The following NPAS3 variants were observed in gnomAD, a reference collection of about 807,000 sequenced individuals.
The protein encoded by NPAS3 is neuronal PAS domain-containing protein 3.
Under a neutral mutation model 73.1 loss-of-function variants are expected in NPAS3, and 14 were observed. That is an observed-to-expected ratio of 0.19 (90% CI 0.13 to 0.30). The LOEUF (loss-of-function observed/expected upper bound fraction) is 0.30, where lower values mean the gene tolerates loss of function less well. Among genes scored for constraint, NPAS3 ranks in the 10% least tolerant of loss-of-function variants. The pLI is 1.00. For missense variants in NPAS3, 1,096 were observed against 1,250.0 expected (o/e 0.88, Z 1.86); for synonymous variants, 620 against 541.5 (o/e 1.14, Z -2.01).
intron 2 of NPAS3, among the ~76,000 whole-genome samples, chr14:33,110,621 TA>T (rs1435757710): frequency 6.6e-6 from 1 of 152,314 alleles, no homozygotes; most frequent in African/African-American, 2.4e-5. Flanking sequence ...AGTTTGAATT[TA>T]CTTTGCATCA....
At chr14:33,777,759 G>A (rs1257364283) in intron 8 of NPAS3, among the ~76,000 whole-genome samples, 3 of 152,148 alleles carry the variant, frequency 2.0e-5, no homozygotes, top group Non-Finnish European at 2.9e-5. Flanking sequence ...TGAGGACATC[G>A]ACGTCTGGAC....
intron 4 of NPAS3, among the ~76,000 whole-genome samples, chr14:33,547,170 G>T (rs2054885226): frequency 6.6e-6 from 1 of 152,194 alleles, no homozygotes; most frequent in South Asian, 2.1e-4. Flanking sequence ...TCAAAGGCCA[G>T]TTTGAGTCTT....
chr14:33,096,468 A>G (rs1414635350), intron 2 of NPAS3, among the ~76,000 whole-genome samples: 1 of 152,202 alleles, frequency 6.6e-6, no homozygotes, highest in Non-Finnish European at 1.5e-5. Context: ...TTTTTTGGAC[A>G]CTAAAGAGAG....
chr14:33,039,463 G>C (rs916798376), intron 1 of NPAS3, among the ~76,000 whole-genome samples: 3 of 152,150 alleles, frequency 2.0e-5, no homozygotes, highest in African/African-American at 7.2e-5. Flanking sequence ...TCTTGGACTG[G>C]AATGAAATGT....
At chr14:33,215,449 G>A in intron 3 of NPAS3, 23 bp downstream of exon 3, 3 of 1,613,280 alleles carry the variant, frequency 1.9e-6, no homozygotes, top group Non-Finnish European at 2.5e-6. Context: ...TCACTGTTCA[G>A]TCTGAATATG....
intron 3 of NPAS3, among the ~76,000 whole-genome samples, chr14:33,325,886 G>A (rs76590604): frequency 6.6e-6 from 1 of 152,058 alleles, no homozygotes; most frequent in African/African-American, 2.4e-5. Flanking sequence ...TTTTACTTGA[G>A]ACTTTCAGTT....
intron 1 of NPAS3, among the ~76,000 whole-genome samples, chr14:32,990,374 A>G (rs186198379): frequency 6.6e-6 from 1 of 152,356 alleles, no homozygotes; most frequent in Admixed American, 6.5e-5. Context: ...AATTATTATA[A>G]AAGTGAAAAG....
At chr14:33,739,193 G>A (rs76847060) in intron 7 of NPAS3, among the ~76,000 whole-genome samples, 7,712 of 152,242 alleles carry the variant, frequency 0.051, 366 homozygotes, top group African/African-American at 0.12. Context: ...GAAATCTTCA[G>A]ATACTGGAGT....
At chr14:33,733,732 G>C (rs766180274) in intron 6 of NPAS3, among the ~76,000 whole-genome samples, 1 of 151,978 alleles carries the variant, frequency 6.6e-6, no homozygotes, top group Non-Finnish European at 1.5e-5. Context: ...GTGATAAAAA[G>C]CTGTACATTT....
chr14:33,718,738 G>T (rs2061023289), intron 6 of NPAS3, among the ~76,000 whole-genome samples: 1 of 152,108 alleles, frequency 6.6e-6, no homozygotes, highest in Non-Finnish European at 1.5e-5. Context: ...TTATTTGATT[G>T]TACAACCTCC....
intron 3 of NPAS3, among the ~76,000 whole-genome samples, chr14:33,243,286 T>G (rs1212719413): frequency 6.6e-6 from 1 of 152,150 alleles, no homozygotes; most frequent in Non-Finnish European, 1.5e-5. Flanking sequence ...AACTGGGATA[T>G]CTATCTCTTT....
At chr14:33,112,399 T>C (rs1464714486) in intron 2 of NPAS3, among the ~76,000 whole-genome samples, 1 of 152,228 alleles carries the variant, frequency 6.6e-6, no homozygotes, top group Non-Finnish European at 1.5e-5. Context: ...GTGGTTTTGA[T>C]TTGCATTTCT....
At chr14:32,959,645 T>C (rs1321035675) in intron 1 of NPAS3, among the ~76,000 whole-genome samples, 1 of 152,188 alleles carries the variant, frequency 6.6e-6, no homozygotes, top group Non-Finnish European at 1.5e-5. Flanking sequence ...TGTAAAGGAG[T>C]GAGCACTTTC....
chr14:33,068,291 C>G (rs1338986716), intron 2 of NPAS3, among the ~76,000 whole-genome samples: 1 of 152,240 alleles, frequency 6.6e-6, no homozygotes, highest in Non-Finnish European at 1.5e-5. Flanking sequence ...CCCTATAACA[C>G]CAGACATTTC....
chr14:33,576,302 TCA>T (rs965052006), intron 5 of NPAS3, among the ~76,000 whole-genome samples: 15 of 152,324 alleles, frequency 9.8e-5, no homozygotes, highest in African/African-American at 3.1e-4. Context: ...ACCACGATTC[TCA>T]GAGAATACAG....
chr14:32,998,974 G>A (rs116855620), intron 1 of NPAS3, among the ~76,000 whole-genome samples: 2 of 152,230 alleles, frequency 1.3e-5, no homozygotes, highest in Non-Finnish European at 2.9e-5. Flanking sequence ...TCATCACACT[G>A]TGTGCTTCAT....
chr14:33,208,095 T>TA (rs2046897801), intron 2 of NPAS3, among the ~76,000 whole-genome samples: 1 of 111,432 alleles, frequency 9.0e-6, no homozygotes, highest in South Asian at 2.7e-4. Context: ...AATTACTTGA[T>TA]AAAACTGCAG....
At chr14:33,657,697 T>C (rs903806441) in intron 5 of NPAS3, among the ~76,000 whole-genome samples, 1 of 152,210 alleles carries the variant, frequency 6.6e-6, no homozygotes, top group Non-Finnish European at 1.5e-5. Context: ...GACTCAACAC[T>C]ATGCTGGCTG....
chr14:33,664,830 A>C (rs1304836874), intron 5 of NPAS3, among the ~76,000 whole-genome samples: 1 of 152,228 alleles, frequency 6.6e-6, no homozygotes. Context: ...CACCAGTTAG[A>C]ATGGCGATTA....
Sources: gnomAD v4.1 joint callset for allele counts (sites outside exome capture counted in the v4.1 genomes callset) on GRCh38, gnomAD v4.1.1 for gene constraint, MANE v1.5 for transcripts, NCBI Gene and HGNC (gene_info 2026-07-23, HGNC 2026-07-21) for gene names.